KIAA2012: variants seen among roughly 807,000 people sequenced by gnomAD.
The protein encoded by KIAA2012 is uncharacterized protein KIAA2012.
A neutral mutation model predicts 150.6 loss-of-function variants in KIAA2012; 125 were observed. That is an observed-to-expected ratio of 0.83 (90% CI 0.72 to 0.96). KIAA2012 has a LOEUF of 0.96. Among genes scored for constraint, KIAA2012 ranks in the 40% least tolerant of loss-of-function variants. The probability of loss-of-function intolerance (pLI) is 0.00; values close to 1 mark genes in which losing one functional copy is unlikely to be tolerated. For missense variants in KIAA2012, 1,219 were observed against 1,354.9 expected (o/e 0.90, Z 1.57); for synonymous variants, 462 against 504.7 (o/e 0.92, Z 1.13).
chr2:202,098,214 G>C (rs1689943977), intron 5 of KIAA2012, among the ~76,000 whole-genome samples: 1 of 152,152 alleles, frequency 6.6e-6, no homozygotes, highest in South Asian at 2.1e-4. Flanking sequence ...ACAAAAATTA[G>C]CTGGGCATGA....
At chr2:202,193,257 C>T in intron 19 of KIAA2012, 44 bp from the exon 20 acceptor site, 1 of 1,527,958 alleles carries the variant, frequency 6.5e-7, no homozygotes, top group Non-Finnish European at 8.9e-7. Context: ...ACTGCTGAGA[C>T]AGACCCATCT....
chr2:202,170,312 C>A (rs1025371415), intron 15 of KIAA2012, among the ~76,000 whole-genome samples: 3 of 152,192 alleles, frequency 2.0e-5, no homozygotes, highest in African/African-American at 7.2e-5. Flanking sequence ...CTGAAAATAA[C>A]AAAATTGACC....
intron 23 of KIAA2012, among the ~76,000 whole-genome samples, chr2:202,204,730 T>C (rs1048537052): frequency 9.3e-5 from 12 of 129,522 alleles, no homozygotes; most frequent in Non-Finnish European, 1.5e-4. Flanking sequence ...TTTTAACTCC[T>C]TTTTTGTAAA....
intron 15 of KIAA2012, among the ~76,000 whole-genome samples, chr2:202,166,683 A>G (rs1691772886): frequency 6.6e-6 from 1 of 151,966 alleles, no homozygotes; most frequent in Admixed American, 6.6e-5. Context: ...CAAAAAAAAA[A>G]AGGATCAATT....
At chr2:202,200,462 A>T (rs143088087) in intron 22 of KIAA2012, among the ~76,000 whole-genome samples, 1 of 152,104 alleles carries the variant, frequency 6.6e-6, no homozygotes, top group African/African-American at 2.4e-5. Flanking sequence ...GAGGATCCTT[A>T]TGAAAGACTA....
intron 2 of KIAA2012, among the ~76,000 whole-genome samples, chr2:202,085,292 G>C (rs936601229): frequency 3.9e-5 from 6 of 152,212 alleles, no homozygotes; most frequent in Non-Finnish European, 5.9e-5. Context: ...AGGGCAAAGG[G>C]AAATCAAGGT....
intron 2 of KIAA2012, among the ~76,000 whole-genome samples, chr2:202,081,151 T>C (rs568345301): frequency 5.0e-4 from 76 of 152,276 alleles, no homozygotes; most frequent in Middle Eastern, 3.2e-3. Flanking sequence ...ATTAGAAGAA[T>C]GAATTCATGT....
Position 202,125,229 on chromosome 2 carries a change from A to G in KIAA2012, c.1778A>G (p.Asn593Ser), listed in dbSNP as rs1690754422. The G allele has an allele frequency of 2.6e-6, 4 of 1,550,308 alleles. No individual in the cohort carries two copies. Among genetic ancestry groups the G allele is most frequent in the African/African-American group, 1.4e-5 (1 of 73,052 alleles). The change falls in exon 12 of 24, where the codon AAT becomes AGT. Residue 593 changes from asparagine (N) to serine (S), a missense_variant. Transcript: ENST00000498697. ...TGTTTTTCAGCCTATGAATCTGTCA[A>G]TTCAAATATCAGCCATGAAGAGGAA... ...LPSGKAYESVNSNISHEEEGP... is the reference protein window; with the variant it reads ...LPSGKAYESVSSNISHEEEGP...
chr2:202,086,092 C>T (rs189040220), intron 2 of KIAA2012, among the ~76,000 whole-genome samples: 32 of 140,832 alleles, frequency 2.3e-4, no homozygotes, highest in Non-Finnish European at 6.0e-5. Flanking sequence ...CACTTGAAAC[C>T]AGAAGGCAGA....
chr2:202,096,194 T>C (rs1689879888), intron 4 of KIAA2012, among the ~76,000 whole-genome samples: 1 of 152,192 alleles, frequency 6.6e-6, no homozygotes, highest in South Asian at 2.1e-4. Flanking sequence ...GGACCTAGTT[T>C]AGTGTCTGGT....
intron 11 of KIAA2012, chr2:202,116,816 T>C (rs929716622): frequency 3.9e-5 from 6 of 152,188 alleles, no homozygotes; most frequent in Admixed American, 2.0e-4. Flanking sequence ...ATTGATGGTA[T>C]GTGACTTCTG....
At chr2:202,147,936 C>A (rs1305610843) in intron 13 of KIAA2012, among the ~76,000 whole-genome samples, 1 of 152,012 alleles carries the variant, frequency 6.6e-6, no homozygotes, top group East Asian at 1.9e-4. Flanking sequence ...CAGCTAGCCA[C>A]CCCCTCACAG....
At chr2:202,196,393 C>T (rs181375646) in intron 21 of KIAA2012, among the ~76,000 whole-genome samples, 2 of 151,586 alleles carry the variant, frequency 1.3e-5, no homozygotes, top group South Asian at 2.1e-4. Flanking sequence ...GACGGGGTTT[C>T]GCCGTGTTAG....
At position 202,188,242 on chromosome 2, in the gene KIAA2012, T is replaced by C; in HGVS notation, c.2467T>C (p.Tyr823His). 6.5e-7 allele frequency: 1 copy of C among 1,550,206 alleles called. No homozygotes were observed. The highest frequency in any genetic ancestry group is 8.7e-7 in the Non-Finnish European group (1 of 1,146,846). ...CAAAAGCGAGAGAGAAGGAAAGGTCTACGGGCAAGCAGAGGCTGCCATTGG... is the reference window on the plus strand; with the variant it reads ...CAAAAGCGAGAGAGAAGGAAAGGTCCACGGGCAAGCAGAGGCTGCCATTGG... ...GPKSEREGKV[Y>H]GQAEAAIGKS... Residue 823 changes from tyrosine (Y) to histidine (H), a missense_variant, in exon 18 of 24, where the codon TAC becomes CAC. Coordinates refer to ENST00000498697, the MANE Select transcript of KIAA2012 (RefSeq NM_001277372.4).
chr2:202,074,823 A>G, intron 1 of KIAA2012, 68 bp from the exon 2 acceptor site: 2 of 1,444,006 alleles, frequency 1.4e-6, no homozygotes, highest in Non-Finnish European at 1.8e-6. Flanking sequence ...AAGGCTTTGC[A>G]CAAGCAGTAT....
At chr2:202,121,318 C>T (rs577824788) in intron 11 of KIAA2012, among the ~76,000 whole-genome samples, 1 of 152,322 alleles carries the variant, frequency 6.6e-6, no homozygotes, top group African/African-American at 2.4e-5. Context: ...TTACCTTGTG[C>T]CTTAACAGAA....
At chr2:202,130,451 T>C (rs1348256424) in intron 12 of KIAA2012, among the ~76,000 whole-genome samples, 3 of 88,706 alleles carry the variant, frequency 3.4e-5, no homozygotes, top group African/African-American at 8.8e-5. Context: ...GTGTAGATCT[T>C]AGGATTTTGT....
In KIAA2012 at chr2:202,138,270, G is replaced by C. The variant is rs546791276; in HGVS notation, c.1832-162G>C. On this transcript the variant is annotated intron_variant, in intron 12 of 23. Transcript: ENST00000498697. The stretch of plus-strand genomic sequence containing the variant: ...TTAGGCTATGCCTATAGAGGTTACA[G>C]GTGTTTTTTGGTGAGTAAATTATGA... The C allele has an allele frequency of 4.3e-5, 26 of 609,478 alleles. No homozygotes were observed. The African/African-American group carries it at 4.8e-4, about 11-fold the overall frequency. 37.8% of individuals were successfully genotyped at this position (609,478 alleles called of 1,614,324 possible). A position where few individuals can be genotyped will look rare whatever the true frequency, so the allele number is the denominator to read the frequency against.
intron 7 of KIAA2012, 78 bp from the exon 8 acceptor site, chr2:202,102,868 G>C: frequency 4.6e-6 from 6 of 1,317,146 alleles, no homozygotes; most frequent in Non-Finnish European, 6.3e-6. Context: ...GATACAATAA[G>C]AGACAGTATC....
Sources: gnomAD v4.1 joint callset for allele counts (sites outside exome capture counted in the v4.1 genomes callset) on GRCh38, gnomAD v4.1.1 for gene constraint, MANE v1.5 for transcripts, NCBI Gene and HGNC (gene_info 2026-07-23, HGNC 2026-07-21) for gene names.